RASSF3: variants seen among roughly 807,000 people sequenced by gnomAD.
The protein encoded by RASSF3 is Ras association domain family member 3.
RASSF3 carries 19 observed loss-of-function variants against 19.9 expected under a neutral mutation model. The observed-to-expected ratio is 0.96, with a 90% confidence interval of 0.67 to 1.40. RASSF3 has a LOEUF of 1.40. Among genes scored for constraint, RASSF3 ranks in the 40% most tolerant of loss-of-function variants. RASSF3 has a pLI of 0.00. For synonymous variants in RASSF3, 110 were observed against 104.2 expected (o/e 1.06, Z -0.34); for missense variants, 306 against 289.8 (o/e 1.06, Z -0.41).
intron 2 of RASSF3, among the ~76,000 whole-genome samples, chr12:64,554,274 A>G (rs1361100862): frequency 2.0e-5 from 3 of 152,164 alleles, no homozygotes; most frequent in Non-Finnish European, 4.4e-5. Context: ...ACAAGAGCAA[A>G]TTCAGTAGAT....
chr12:64,686,798 G>T (rs1873375363), intron 2 of RASSF3, among the ~76,000 whole-genome samples: 1 of 152,182 alleles, frequency 6.6e-6, no homozygotes, highest in African/African-American at 2.4e-5. Flanking sequence ...CTGCACTCCA[G>T]CCTGGGTGAG....
At chr12:64,638,441 G>A (rs996010692) in intron 1 of RASSF3, among the ~76,000 whole-genome samples, 4 of 152,002 alleles carry the variant, frequency 2.6e-5, no homozygotes, top group Admixed American at 6.6e-5. Flanking sequence ...TTAGCTGGGC[G>A]TGGTGGCGGG....
chr12:64,524,313 C>T (rs1004985623), intron 1 of RASSF3, among the ~76,000 whole-genome samples: 2 of 151,778 alleles, frequency 1.3e-5, no homozygotes, highest in Admixed American at 1.3e-4. Flanking sequence ...TCTCGAACTC[C>T]TGACCTCAAG....
At chr12:64,547,943 T>C (rs1162817341) in intron 2 of RASSF3, among the ~76,000 whole-genome samples, 2 of 152,214 alleles carry the variant, frequency 1.3e-5, no homozygotes, top group South Asian at 2.1e-4. Flanking sequence ...AGTATTTTAG[T>C]GTCCTTCATT....
chr12:64,598,122 T>C (rs140982596), intron 2 of RASSF3, among the ~76,000 whole-genome samples: 2,800 of 152,272 alleles, frequency 0.018, 91 homozygotes, highest in African/African-American at 0.064. Flanking sequence ...TTTCACCATG[T>C]TGGCCAAGCT....
At chr12:64,656,068 C>A (rs574245588) in intron 1 of RASSF3, among the ~76,000 whole-genome samples, 33 of 151,374 alleles carry the variant, frequency 2.2e-4, no homozygotes, top group Non-Finnish European at 4.9e-4. Context: ...TTTTATTCCC[C>A]TAACTTGGAT....
chr12:64,567,214 G>C (rs1013595434), intron 2 of RASSF3, among the ~76,000 whole-genome samples: 1 of 152,186 alleles, frequency 6.6e-6, no homozygotes, highest in Non-Finnish European at 1.5e-5. Flanking sequence ...CTGAACATAA[G>C]AGGATGATAG....
At chr12:64,509,680 A>G (rs1868316398) in intron 1 of RASSF3, among the ~76,000 whole-genome samples, 1 of 152,150 alleles carries the variant, frequency 6.6e-6, no homozygotes, top group South Asian at 2.1e-4. Context: ...CTATACCTAG[A>G]AAGTTTGATT....
At chr12:64,653,950 C>T (rs17100516) in intron 1 of RASSF3, 4,736 of 152,308 alleles carry the variant, frequency 0.031, 254 homozygotes, top group African/African-American at 0.11. Flanking sequence ...CAAGAATCAC[C>T]GGGTTGGTGG....
intron 1 of RASSF3, among the ~76,000 whole-genome samples, chr12:64,660,003 C>T (rs890243417): frequency 3.3e-4 from 28 of 84,272 alleles, no homozygotes; most frequent in South Asian, 2.8e-3. Flanking sequence ...TATATGTGTG[C>T]GTGTATATAT....
At chr12:64,507,175 G>A (rs969335169) in exon 1 of RASSF3, 6 of 398,464 alleles carry the variant, frequency 1.5e-5, no homozygotes, top group African/African-American at 4.1e-5. Flanking sequence ...TCTCTGTAGC[G>A]AGTCATTCTG....
chr12:64,622,198 GCAC>G (rs1419509638), intron 1 of RASSF3, among the ~76,000 whole-genome samples: 1 of 150,770 alleles, frequency 6.6e-6, no homozygotes, highest in Non-Finnish European at 1.5e-5. Context: ...TTACAGGCAT[GCAC>G]CACCATGTCC....
intron 1 of RASSF3, among the ~76,000 whole-genome samples, chr12:64,671,966 G>A (rs1337829290): frequency 1.3e-5 from 2 of 152,226 alleles, no homozygotes; most frequent in African/African-American, 4.8e-5. Flanking sequence ...CAAGAAAGTG[G>A]ATGGAATTAA....
chr12:64,658,470 T>C (rs1169125776), intron 1 of RASSF3, among the ~76,000 whole-genome samples: 1 of 152,186 alleles, frequency 6.6e-6, no homozygotes, highest in South Asian at 2.1e-4. Flanking sequence ...TAAGCATGGT[T>C]ATGGAGCACT....
chr12:64,644,999 T>TG (rs1443470201), intron 1 of RASSF3, among the ~76,000 whole-genome samples: 1 of 152,156 alleles, frequency 6.6e-6, no homozygotes, highest in Non-Finnish European at 1.5e-5. Flanking sequence ...AGGTTGAGGC[T>TG]GCAGTGAGCC....
intron 2 of RASSF3, among the ~76,000 whole-genome samples, chr12:64,566,556 T>C (rs1869434960): frequency 6.6e-6 from 1 of 152,094 alleles, no homozygotes; most frequent in East Asian, 1.9e-4. Context: ...ATGAGGCTCA[T>C]TGTCAAAATT....
intron 1 of RASSF3, among the ~76,000 whole-genome samples, chr12:64,637,848 T>A (rs937812656): frequency 4.6e-5 from 7 of 151,302 alleles, no homozygotes; most frequent in Non-Finnish European, 8.8e-5. Flanking sequence ...TTTTTTTTTT[T>A]TAAAGACAGA....
intron 1 of RASSF3, among the ~76,000 whole-genome samples, chr12:64,639,205 AAT>A (rs1365686516): frequency 6.6e-6 from 1 of 152,182 alleles, no homozygotes; most frequent in African/African-American, 2.4e-5. Context: ...GGGTAAATGG[AAT>A]ATACACAATA....
upstream of RASSF3, among the ~76,000 whole-genome samples, chr12:64,529,361 G>A (rs1868657711): frequency 6.6e-6 from 1 of 152,200 alleles, no homozygotes; most frequent in South Asian, 2.1e-4. Flanking sequence ...AGACATTTAT[G>A]CCTTACTTGC....
Sources: gnomAD v4.1 joint callset for allele counts (sites outside exome capture counted in the v4.1 genomes callset) on GRCh38, gnomAD v4.1.1 for gene constraint, MANE v1.5 for transcripts, NCBI Gene and HGNC (gene_info 2026-07-23, HGNC 2026-07-21) for gene names.